Variants in PPA2 observed in about 807,000 individuals in gnomAD.
PPA2 encodes the protein inorganic pyrophosphatase 2, mitochondrial.
In PPA2, 48 loss-of-function variants were observed where a neutral mutation model predicts 49.5. The observed-to-expected ratio is 0.97, with a 90% CI of 0.77 to 1.23. PPA2 has a LOEUF of 1.23. Ranked by LOEUF, PPA2 falls within the 50% of genes most tolerant of loss-of-function variation. The pLI is 0.00. For synonymous variants in PPA2, 131 were observed against 139.9 expected, an observed-to-expected ratio of 0.94 and a Z score of 0.45; for missense variants, 429 against 410.1, an observed-to-expected ratio of 1.05 and a Z score of -0.40.
At chr4:105,431,714 G>T (rs952633541) in intron 6 of PPA2, among the ~76,000 whole-genome samples, 2 of 152,090 alleles carry the variant, frequency 1.3e-5, no homozygotes, top group African/African-American at 2.4e-5. Flanking sequence ...TAAGTAAAAG[G>T]TAATATTATC....
rs568191229 is a variant in PPA2 at position 105,458,696 on chromosome 4, C to A, written c.158-1951G>T. Among the ~76,000 whole-genome samples the A allele has an allele frequency of 3.3e-5, 5 of 151,872 alleles. No individual in the cohort carries two copies. In the South Asian group the frequency reaches 1.0e-3, roughly 32 times the overall value. Reference sequence around the variant, plus strand: ...AATTAGCTGGGCGTGGTGGTGCATGCCTGTAATCTCAGCTACTCAGGAAGC... The same window carrying A: ...AATTAGCTGGGCGTGGTGGTGCATGACTGTAATCTCAGCTACTCAGGAAGC... On this transcript the variant is annotated intron_variant, in intron 1 of 11. Coordinates refer to ENST00000341695, the MANE Select transcript of PPA2 (RefSeq NM_176869.3).
chr4:105,464,681 T>G (rs1167227048), intron 1 of PPA2, among the ~76,000 whole-genome samples: 1 of 152,216 alleles, frequency 6.6e-6, no homozygotes, highest in Non-Finnish European at 1.5e-5. Flanking sequence ...GTAAATCTCA[T>G]GAGATCTGAT....
At chr4:105,448,998 C>G (rs1287917775) in intron 4 of PPA2, among the ~76,000 whole-genome samples, 1 of 126,000 alleles carries the variant, frequency 7.9e-6, no homozygotes, top group African/African-American at 4.3e-5. Context: ...GCGGGCGGAT[C>G]ACGAGGTCAG....
At chr4:105,427,526 C>T (rs1040116966) in intron 6 of PPA2, among the ~76,000 whole-genome samples, 1 of 152,022 alleles carries the variant, frequency 6.6e-6, no homozygotes, top group Non-Finnish European at 1.5e-5. Flanking sequence ...GAGCTGAAAA[C>T]CACAGCACGA....
chr4:105,419,655 TA>T (rs1412700352), intron 7 of PPA2, among the ~76,000 whole-genome samples: 1 of 152,182 alleles, frequency 6.6e-6, no homozygotes. Context: ...TCATCATAGG[TA>T]AAAACTGTAA....
At chr4:105,403,945 G>A (rs1228389094) in intron 7 of PPA2, among the ~76,000 whole-genome samples, 1 of 150,430 alleles carries the variant, frequency 6.6e-6, no homozygotes, top group African/African-American at 2.4e-5. Context: ...TGTTGCACCA[G>A]GGGTGTTTCT....
Position 105,370,846 on chromosome 4 carries a change from T to G in PPA2, c.967A>C (p.Asn323His). ...TCAAAATATACTATACCTTCTTCAT[T>G]ACTTTCTTTATTTGGTGAAGATGAT... is the stretch of plus-strand genomic sequence containing the variant. ...SVSSSPNKESNEEEQVWHFLG... is the reference protein window; with the variant it reads ...SVSSSPNKESHEEEQVWHFLG... Residue 323 changes from asparagine to histidine, a missense_variant, in exon 11 of 12, where the codon AAT becomes CAT. Asn to His is a moderately conservative substitution (Grantham distance 68). Transcript: ENST00000341695. The G allele has an allele frequency of 6.8e-7, 1 of 1,469,598 alleles. No individual in the cohort carries two copies. The highest frequency in any genetic ancestry group is 9.2e-7 in the Non-Finnish European group (1 of 1,090,596). The allele number at this position is 1,469,598 out of a possible 1,614,324, so 91.0% of individuals were successfully genotyped here.
chr4:105,430,023 T>C (rs76206652), intron 6 of PPA2, among the ~76,000 whole-genome samples: 130 of 152,360 alleles, frequency 8.5e-4, no homozygotes, highest in African/African-American at 3.0e-3. Flanking sequence ...ATGCATTCTT[T>C]GTATATATCC....
At chr4:105,393,485 AAATAATAATAATAATAATAAT>A (rs57790851) in intron 9 of PPA2, among the ~76,000 whole-genome samples, 143 of 132,800 alleles carry the variant, frequency 1.1e-3, no homozygotes, top group African/African-American at 8.8e-4. Context: ...CACTGTCTCA[AAATAATAATAATAATAATAAT>A]AATAATAATA....
In PPA2 at chr4:105,413,906, C is replaced by A. The variant is rs527667937; in HGVS notation, c.655+10290G>T. Among the ~76,000 whole-genome samples the A allele has an allele frequency of 9.9e-5, 15 of 152,244 alleles. No homozygotes were observed. In the East Asian group the frequency reaches 2.3e-3, roughly 24 times the overall value. ...AAATGGAATACATCAAAATTTAAAACCTCTGTAAGCCAAAAGTCAATATAG... is the reference window on the plus strand; with the variant it reads ...AAATGGAATACATCAAAATTTAAAAACTCTGTAAGCCAAAAGTCAATATAG... On this transcript the variant is annotated intron_variant, in intron 7 of 11. Transcript: ENST00000341695.
intron 7 of PPA2, 96 bp from the exon 8 acceptor site, chr4:105,399,260 G>T: frequency 8.2e-7 from 1 of 1,224,204 alleles, no homozygotes; most frequent in East Asian, 2.4e-5. Flanking sequence ...GAAACATGGG[G>T]CCCAGTCTAA....
At chr4:105,437,929 A>G (rs371351245) in intron 6 of PPA2, 21 bp downstream of exon 6, 2 of 1,562,244 alleles carry the variant, frequency 1.3e-6, no homozygotes, top group Non-Finnish European at 1.7e-6. Context: ...CGTTAGAATT[A>G]ATACAGTCTA....
intron 7 of PPA2, among the ~76,000 whole-genome samples, chr4:105,413,769 G>A (rs1012273338): frequency 2.0e-5 from 3 of 152,206 alleles, no homozygotes; most frequent in South Asian, 2.1e-4. Context: ...CGATTGTAAA[G>A]ATAATAAAAT....
chr4:105,460,472 G>A (rs73836222), intron 1 of PPA2, among the ~76,000 whole-genome samples: 1,647 of 152,230 alleles, frequency 0.011, 40 homozygotes, highest in African/African-American at 0.036. Context: ...AATACAGAGG[G>A]ACAACTGTAA....
chr4:105,469,499 T>C (rs1478289250), intron 1 of PPA2, among the ~76,000 whole-genome samples: 1 of 152,220 alleles, frequency 6.6e-6, no homozygotes, highest in Admixed American at 6.5e-5. Context: ...GTATGCCATA[T>C]ACCAACATAT....
chr4:105,425,603 A>T (rs1723460277), intron 6 of PPA2, among the ~76,000 whole-genome samples: 1 of 152,114 alleles, frequency 6.6e-6, no homozygotes, highest in Non-Finnish European at 1.5e-5. Context: ...TCTCATGTAT[A>T]AATGGAATTC....
Position 105,391,047 on chromosome 4 carries a change from A to C in PPA2, c.870-4411T>G, listed in dbSNP as rs182465643. Among the ~76,000 whole-genome samples the C allele has an allele frequency of 1.4e-3, 215 of 152,268 alleles. 2 individuals are homozygous for C. The highest frequency in any genetic ancestry group is 5.1e-3 in the African/African-American group (213 of 41,566). On this transcript the variant is annotated intron_variant, in intron 9 of 11. Coordinates refer to ENST00000341695, the MANE Select transcript of PPA2 (RefSeq NM_176869.3). ...CATGTCCTTTGCAGGGACATGGATG[A>C]AGCTGGAAACCATCATCCTCAGCAA...
chr4:105,447,774 C>T (rs1274929506), intron 4 of PPA2, among the ~76,000 whole-genome samples: 2 of 150,292 alleles, frequency 1.3e-5, no homozygotes, highest in East Asian at 3.9e-4. Flanking sequence ...CATTCTGTCA[C>T]CCAGGCTGGA....
intron 2 of PPA2, chr4:105,456,195 G>A (rs903893503): frequency 2.1e-6 from 1 of 474,076 alleles, no homozygotes; most frequent in Non-Finnish European, 4.1e-6. Flanking sequence ...AGTGGTTAAA[G>A]AGCATAAGCT....
Sources: allele counts gnomAD v4.1 joint callset (sites outside exome capture counted in the v4.1 genomes callset), GRCh38; gene constraint gnomAD v4.1.1; transcripts MANE v1.5; gene names NCBI Gene and HGNC (gene_info 2026-07-23, HGNC 2026-07-21).